Variants in PPM1H observed in about 807,000 individuals in gnomAD.
The protein encoded by PPM1H is protein phosphatase 1H.
A neutral mutation model predicts 54.9 loss-of-function variants in PPM1H; 27 were observed. The ratio of observed to expected loss-of-function variants is 0.49; its 90% CI spans 0.36 to 0.68. The LOEUF (loss-of-function observed/expected upper bound fraction) is 0.68. Ranked by LOEUF, PPM1H falls within the 30% of genes least tolerant of loss-of-function variation. The probability of loss-of-function intolerance (pLI) is 0.00; values close to 1 mark genes in which losing one functional copy is unlikely to be tolerated. For missense variants in PPM1H, 596 were observed against 667.8 expected, an observed-to-expected ratio of 0.89 and a Z score of 1.19; for synonymous variants, 305 against 270.8, an observed-to-expected ratio of 1.13 and a Z score of -1.24.
chr12:62,653,581 G>A (rs1040567199), intron 9 of PPM1H, among the ~76,000 whole-genome samples: 34 of 152,146 alleles, frequency 2.2e-4, no homozygotes, highest in African/African-American at 5.6e-4. Context: ...TTGAGGGCCC[G>A]GAGGGAAGGC....
chr12:62,801,926 C>T lies in PPM1H; in HGVS notation c.646G>A (p.Val216Met), dbSNP rs2076772662. 1 of 1,613,022 alleles carries T rather than the reference C, an allele frequency of 6.2e-7. No individual in the cohort carries two copies. Among genetic ancestry groups the T allele is most frequent in the South Asian group, 1.1e-5 (1 of 91,034 alleles). The change falls in exon 3 of 10, where the codon GTG becomes ATG. Residue 216 changes from valine to methionine, a missense_variant. By Grantham distance (21) the Val-to-Met change is conservative (BLOSUM62 1). This residue lies in a region of PPM1H where 382 missense variants were observed against 387.1 expected (regional missense o/e 0.99). Transcript: ENST00000228705. The stretch of plus-strand genomic sequence containing the variant: ...GTGCTGGGGGAGCCCGGGGCCCCCA[C>T]CCCTCCGCGCAGGGAGGCTGCCCGG... ...LTRAASLRGGVGAPGSPSTPP... is the reference protein window; with the variant it reads ...LTRAASLRGGMGAPGSPSTPP...
chr12:62,720,404 T>A, intron 5 of PPM1H, 115 bp from the exon 6 acceptor site: 1 of 707,920 alleles, frequency 1.4e-6, no homozygotes, highest in South Asian at 1.9e-5. Flanking sequence ...ACAAGAAAAT[T>A]GCCTCATATT....
At chr12:62,794,231 G>A (rs1400596596) in intron 3 of PPM1H, among the ~76,000 whole-genome samples, 2 of 152,094 alleles carry the variant, frequency 1.3e-5, no homozygotes, top group Admixed American at 6.5e-5. Context: ...CAAAAACAAA[G>A]AGAACAAAAC....
At chr12:62,902,308 C>T (rs1245184663) in intron 1 of PPM1H, among the ~76,000 whole-genome samples, 7 of 151,612 alleles carry the variant, frequency 4.6e-5, no homozygotes, top group East Asian at 3.9e-4. Context: ...GAGCCGAGAT[C>T]GCACCATTGC....
chr12:62,784,354 A>G (rs914041002), intron 4 of PPM1H, among the ~76,000 whole-genome samples: 15 of 152,174 alleles, frequency 9.9e-5, no homozygotes, highest in African/African-American at 2.9e-4. Flanking sequence ...TCCTGAATAC[A>G]ACCCCTAAGT....
chr12:62,778,930 GA>G (rs2076626069), intron 4 of PPM1H, among the ~76,000 whole-genome samples: 2 of 151,196 alleles, frequency 1.3e-5, no homozygotes, highest in Admixed American at 6.6e-5. Context: ...ACTCTGTCTC[GA>G]AAGGAAAGGA....
At chr12:62,833,191 G>C in intron 1 of PPM1H, among the ~76,000 whole-genome samples, 1 of 152,188 alleles carries the variant, frequency 6.6e-6, no homozygotes, top group Non-Finnish European at 1.5e-5. Flanking sequence ...GACAGAGTGA[G>C]TGTGGAGTTT....
chr12:62,822,282 C>T (rs1452494102), intron 2 of PPM1H, among the ~76,000 whole-genome samples: 1 of 152,162 alleles, frequency 6.6e-6, no homozygotes, highest in Non-Finnish European at 1.5e-5. Context: ...TACAAAGAGA[C>T]TTAGACTCCC....
chr12:62,646,323 C>T lies in PPM1H; in HGVS notation c.*2166G>A, dbSNP rs977602488. 1.3e-5 allele frequency: 2 copies of T among 152,156 alleles called. No homozygotes were observed. Among genetic ancestry groups the T allele is most frequent in the African/African-American group, 4.8e-5 (2 of 41,412 alleles). The allele number at this position is 152,156 out of a possible 1,614,324, so 9.4% of individuals were successfully genotyped here. A position where few individuals can be genotyped will look rare whatever the true frequency, so the allele number is the denominator to read the frequency against. On this transcript the variant is annotated 3_prime_UTR_variant, in exon 10 of 10. Coordinates refer to ENST00000228705, the MANE Select transcript of PPM1H (RefSeq NM_020700.2). ...TGTGACATCTACACCCAAATTCTTA[C>T]TCTGGTGGCTTGAATAAAACTGGAG... is the stretch of plus-strand genomic sequence containing the variant.
intron 9 of PPM1H, chr12:62,659,038 T>A (rs1210788673): frequency 1.8e-5 from 13 of 725,390 alleles, no homozygotes; most frequent in African/African-American, 3.5e-5. Context: ...CCCAGTGGCT[T>A]CCGGAAGTTC....
chr12:62,828,351 C>G (rs1295902334), intron 2 of PPM1H, among the ~76,000 whole-genome samples: 2 of 152,232 alleles, frequency 1.3e-5, no homozygotes, highest in African/African-American at 2.4e-5. Flanking sequence ...TCCAACCACA[C>G]AGACCTCCTT....
intron 6 of PPM1H, among the ~76,000 whole-genome samples, chr12:62,704,328 G>A (rs1041026012): frequency 6.6e-6 from 1 of 152,086 alleles, no homozygotes; most frequent in Admixed American, 6.6e-5. Context: ...CCAACATCTC[G>A]CCCCAGGCTC....
At chr12:62,676,788 A>G (rs2075989257) in intron 8 of PPM1H, among the ~76,000 whole-genome samples, 1 of 152,086 alleles carries the variant, frequency 6.6e-6, no homozygotes, top group Admixed American at 6.6e-5. Flanking sequence ...CTCTTGATGT[A>G]GACAGCCAGG....
At chr12:62,774,801 G>A (rs756998407) in intron 4 of PPM1H, among the ~76,000 whole-genome samples, 16 of 152,180 alleles carry the variant, frequency 1.1e-4, no homozygotes, top group Non-Finnish European at 2.4e-4. Flanking sequence ...TCTGATCTTA[G>A]AAAGAACTGA....
chr12:62,721,906 C>A (rs1453681359), intron 5 of PPM1H, among the ~76,000 whole-genome samples: 3 of 152,140 alleles, frequency 2.0e-5, no homozygotes, highest in Non-Finnish European at 4.4e-5. Context: ...ACACTCAGTG[C>A]TTTGAGAGTT....
At chr12:62,683,157 G>A (rs1222093207) in intron 8 of PPM1H, among the ~76,000 whole-genome samples, 4 of 148,640 alleles carry the variant, frequency 2.7e-5, no homozygotes, top group African/African-American at 5.0e-5. Context: ...TGATCTTCTC[G>A]CCTTGGCCTC....
At chr12:62,852,549 A>AT (rs1869234972) in intron 1 of PPM1H, among the ~76,000 whole-genome samples, 1 of 152,224 alleles carries the variant, frequency 6.6e-6, no homozygotes, top group Admixed American at 6.5e-5. Context: ...AAGAAATGTT[A>AT]TTTTTTACAG....
intron 8 of PPM1H, 73 bp downstream of exon 8, chr12:62,689,626 G>T: frequency 2.8e-6 from 3 of 1,085,170 alleles, no homozygotes; most frequent in Non-Finnish European, 4.1e-6. Flanking sequence ...TGGATATGGG[G>T]TGTGAGTCAC....
chr12:62,789,997 T>A (rs986701218), intron 3 of PPM1H, among the ~76,000 whole-genome samples: 3 of 152,084 alleles, frequency 2.0e-5, no homozygotes, highest in African/African-American at 7.2e-5. Context: ...GGAAGGAAAA[T>A]GAGGGCTGGC....
Sources: allele counts gnomAD v4.1 joint callset (sites outside exome capture counted in the v4.1 genomes callset), GRCh38; gene constraint gnomAD v4.1.1; regional missense constraint gnomAD v4.1.1; transcripts MANE v1.5; gene names NCBI Gene and HGNC (gene_info 2026-07-23, HGNC 2026-07-21).